Variants in RGMB observed in about 807,000 individuals in gnomAD.
The protein encoded by RGMB is repulsive guidance molecule BMP co-receptor b.
In RGMB, 16 loss-of-function variants were observed where a neutral mutation model predicts 26.9. That is an observed-to-expected ratio of 0.60 (90% CI 0.40 to 0.90). RGMB has a LOEUF of 0.90. Ranked by LOEUF, RGMB falls within the 40% of genes least tolerant of loss-of-function variation. RGMB has a pLI of 0.00. For synonymous variants in RGMB, 225 were observed against 229.3 expected, an observed-to-expected ratio of 0.98 and a Z score of 0.17; for missense variants, 512 against 573.3, an observed-to-expected ratio of 0.89 and a Z score of 1.09.
At position 98,793,390 on chromosome 5, in the gene RGMB, C is replaced by A; in HGVS notation, c.951C>A (p.Pro317=). 1 of 1,613,312 alleles carries A rather than the reference C, an allele frequency of 6.2e-7. No homozygotes were observed. Among genetic ancestry groups the A allele is most frequent in the Non-Finnish European group, 8.5e-7 (1 of 1,179,698 alleles). Residue 317 remains proline (P), a synonymous_variant, in exon 3 of 3, where the codon CCC becomes CCA. Coordinates refer to ENST00000513185, the MANE Select transcript of RGMB (RefSeq NM_001366508.1). ...TGCAGCTGTGCGTGAACGGCTGCCC[C>A]CTGAGTGAACGCATCGATGACGGGC... ...QDLQLCVNGC[P]LSERIDDGQG... is the part of the protein sequence containing the mutation.
rs376187426 is a variant in RGMB at position 98,795,587 on chromosome 5, G to A, written c.*1834G>A. 6.6e-6 allele frequency: 1 copy of A among 152,186 alleles called. No homozygotes were observed. The highest frequency in any genetic ancestry group is 2.4e-5 in the African/African-American group (1 of 41,444). The allele number at this position is 152,186 out of a possible 1,614,324, so 9.4% of individuals were successfully genotyped here. A position where few individuals can be genotyped will look rare whatever the true frequency, so the allele number is the denominator to read the frequency against. On this transcript the variant is annotated 3_prime_UTR_variant, in exon 3 of 3. Transcript: ENST00000513185. ...AAGGCATCTCCTTCTTACTCATGGA[G>A]ATTCAACTATAGAGAGTTGAAACCT...
Position 98,795,359 on chromosome 5 carries a change from C to G in RGMB, c.*1606C>G, listed in dbSNP as rs1458573142. 2.0e-5 allele frequency: 3 copies of G among 152,230 alleles called. No homozygotes were observed. The highest frequency in any genetic ancestry group is 6.5e-5 in the Admixed American group (1 of 15,288). 9.4% of individuals were successfully genotyped at this position (152,230 alleles called of 1,614,324 possible). A position where few individuals can be genotyped will look rare whatever the true frequency, so the allele number is the denominator to read the frequency against. ...TTAGTTTTAGTTCTCCAGGTAGTTA[C>G]TTTTGCCATGTCCTATTGATCAGTG... On this transcript the variant is annotated 3_prime_UTR_variant, in exon 3 of 3. Coordinates refer to ENST00000513185, the MANE Select transcript of RGMB (RefSeq NM_001366508.1).
intron 2 of RGMB, among the ~76,000 whole-genome samples, chr5:98,787,067 G>A (rs1746786392): frequency 6.6e-6 from 1 of 152,184 alleles, no homozygotes; most frequent in South Asian, 2.1e-4. Flanking sequence ...ATGCACAGAT[G>A]TACATGCATG....
upstream of RGMB, among the ~76,000 whole-genome samples, chr5:98,769,138 G>T (rs1309923755): frequency 6.6e-6 from 1 of 152,138 alleles, no homozygotes; most frequent in African/African-American, 2.4e-5. Context: ...GGCGAAGAGA[G>T]AACTGATCCA....
At chr5:98,792,813 C>A in intron 2 of RGMB, 1 of 246,180 alleles carries the variant, frequency 4.1e-6, no homozygotes, top group East Asian at 8.0e-5. Flanking sequence ...GATAGCAACA[C>A]TGCTCACTTG....
At position 98,774,116 on chromosome 5, in the gene RGMB, G is replaced by A. The variant is rs1377139790; in HGVS notation, c.46G>A (p.Glu16Lys). The change falls in exon 1 of 3, where the codon GAG becomes AAG. Residue 16 changes from glutamate to lysine, a missense_variant. Glu to Lys is a moderately conservative substitution (Grantham distance 56, BLOSUM62 1). Transcript: ENST00000513185. ...APSSAAAAAA[E>K]VEQRRSPGLC... Reference sequence around the variant, plus strand: ...TTCCAGCGCCGCCGCTGCCGCCGCCGAGGTTGAGCAGCGCCGCAGCCCCGG... The same window carrying A: ...TTCCAGCGCCGCCGCTGCCGCCGCCAAGGTTGAGCAGCGCCGCAGCCCCGG... 2 of 1,385,834 alleles carry A rather than the reference G, an allele frequency of 1.4e-6. No homozygotes were observed. Among genetic ancestry groups the A allele is most frequent in the African/African-American group, 1.5e-5 (1 of 66,846 alleles). The allele number at this position is 1,385,834 out of a possible 1,614,324, so 85.8% of individuals were successfully genotyped here.
chr5:98,769,741 C>G (rs1746090713), upstream of RGMB: 1 of 152,512 alleles, frequency 6.6e-6, no homozygotes, highest in African/African-American at 2.4e-5. Flanking sequence ...GGGTATAAAT[C>G]TGCCAGCCTC....
At chr5:98,774,285 C>T (rs1746308436) in intron 1 of RGMB, 79 bp downstream of exon 1, 2 of 1,297,320 alleles carry the variant, frequency 1.5e-6, no homozygotes, top group East Asian at 3.2e-5. Context: ...CTCGAAGGCG[C>T]TCGCCGGGGC....
At chr5:98,782,423 G>A (rs991930407) in intron 2 of RGMB, among the ~76,000 whole-genome samples, 2 of 152,090 alleles carry the variant, frequency 1.3e-5, no homozygotes, top group African/African-American at 2.4e-5. Flanking sequence ...TTCTAAACAA[G>A]ATCTGAAATT....
Position 98,774,219 on chromosome 5 carries a change from C to A in RGMB, c.136+13C>A. ...CTGCTCCACGCAGGTAGGACGGGAG[C>A]GCGCGAGGGGAGCCAGCCCCGGGGC... On this transcript the variant is annotated intron_variant, in intron 1 of 2. Transcript: ENST00000513185. 2 of 1,420,124 alleles carry A rather than the reference C, an allele frequency of 1.4e-6. No individual in the cohort carries two copies. Among genetic ancestry groups the A allele is most frequent in the Non-Finnish European group, 9.1e-7 (1 of 1,094,322 alleles). The allele number at this position is 1,420,124 out of a possible 1,614,324, so 88.0% of individuals were successfully genotyped here.
chr5:98,778,978 C>T (rs1746503707), intron 1 of RGMB, among the ~76,000 whole-genome samples: 3 of 149,862 alleles, frequency 2.0e-5, no homozygotes, highest in South Asian at 4.2e-4. Context: ...TTTACAGTTT[C>T]TTGGTAAACG....
chr5:98,790,905 C>T (rs1285072021), intron 2 of RGMB, among the ~76,000 whole-genome samples: 1 of 152,134 alleles, frequency 6.6e-6, no homozygotes, highest in Non-Finnish European at 1.5e-5. Context: ...CTTATTTTAG[C>T]CATCTGTATT....
Position 98,774,221 on chromosome 5 carries a change from C to G in RGMB, c.136+15C>G, listed in dbSNP as rs1746304441. The G allele has an allele frequency of 7.1e-7, 1 of 1,414,578 alleles. No individual in the cohort carries two copies. Among genetic ancestry groups the G allele is most frequent in the Non-Finnish European group, 9.2e-7 (1 of 1,091,560 alleles). The allele number at this position is 1,414,578 out of a possible 1,614,324, so 87.6% of individuals were successfully genotyped here. ...GCTCCACGCAGGTAGGACGGGAGCG[C>G]GCGAGGGGAGCCAGCCCCGGGGCCT... On this transcript the variant is annotated intron_variant, in intron 1 of 2. Transcript: ENST00000513185.
chr5:98,776,683 A>C (rs1000264907), intron 1 of RGMB, among the ~76,000 whole-genome samples: 1 of 152,206 alleles, frequency 6.6e-6, no homozygotes, highest in African/African-American at 2.4e-5. Flanking sequence ...CGCTCCCATC[A>C]TCTCTGTAGC....
rs1355766665 is a variant in RGMB, at chr5:98,795,379, T to C, written c.*1626T>C. ...AGTTACTTTTGCCATGTCCTATTGA[T>C]CAGTGACACTGCCAGAGGCCCATAC... On this transcript the variant is annotated 3_prime_UTR_variant, in exon 3 of 3. Coordinates refer to ENST00000513185, the MANE Select transcript of RGMB (RefSeq NM_001366508.1). 6.6e-6 allele frequency: 1 copy of C among 152,262 alleles called. No individual in the cohort carries two copies. The highest frequency in any genetic ancestry group is 1.9e-4 in the East Asian group (1 of 5,206). The allele number at this position is 152,262 out of a possible 1,614,324, so 9.4% of individuals were successfully genotyped here. A position where few individuals can be genotyped will look rare whatever the true frequency, so the allele number is the denominator to read the frequency against.
intron 2 of RGMB, among the ~76,000 whole-genome samples, chr5:98,783,248 A>G (rs1433411518): frequency 6.6e-6 from 1 of 151,936 alleles, no homozygotes; most frequent in Non-Finnish European, 1.5e-5. Context: ...CTGGTTTTTC[A>G]TCTCTCCACC....
chr5:98,790,101 A>G (rs893896166), intron 2 of RGMB, among the ~76,000 whole-genome samples: 4 of 152,236 alleles, frequency 2.6e-5, no homozygotes, highest in African/African-American at 9.6e-5. Context: ...TTAAAAGCTC[A>G]TGTTGTAATT....
At chr5:98,785,774 A>G (rs1323534331) in intron 2 of RGMB, among the ~76,000 whole-genome samples, 1 of 152,204 alleles carries the variant, frequency 6.6e-6, no homozygotes, top group African/African-American at 2.4e-5. Context: ...TTTTTTTATT[A>G]TAGAAACAAT....
upstream of RGMB, among the ~76,000 whole-genome samples, chr5:98,769,047 G>A (rs1746064326): frequency 6.6e-6 from 1 of 152,154 alleles, no homozygotes; most frequent in Admixed American, 6.5e-5. Flanking sequence ...AGGCAGCGCC[G>A]CCGGCCCGGA....
Sources: allele counts gnomAD v4.1 joint callset (sites outside exome capture counted in the v4.1 genomes callset), GRCh38; gene constraint gnomAD v4.1.1; transcripts MANE v1.5; gene names NCBI Gene and HGNC (gene_info 2026-07-23, HGNC 2026-07-21).